Variants in ARHGAP42 observed in about 807,000 individuals in gnomAD.
ARHGAP42 encodes Rho GTPase activating protein 42.
In ARHGAP42, 63 loss-of-function variants were observed where a neutral mutation model predicts 125.0. The observed-to-expected ratio is 0.50, with a 90% CI of 0.41 to 0.62. The LOEUF (loss-of-function observed/expected upper bound fraction) is 0.62, where lower values mean the gene tolerates loss of function less well. ARHGAP42 is among the 20% of genes least tolerant of loss of function. The pLI is 0.00. For synonymous variants in ARHGAP42, 339 were observed against 351.0 expected, an observed-to-expected ratio of 0.97 and a Z score of 0.38; for missense variants, 766 against 1,024.2, an observed-to-expected ratio of 0.75 and a Z score of 3.44.
chr11:100,822,139 A>C (rs1864419013), intron 3 of ARHGAP42, among the ~76,000 whole-genome samples: 1 of 152,314 alleles, frequency 6.6e-6, no homozygotes, highest in African/African-American at 2.4e-5. Context: ...TATTAAGGGT[A>C]GACATTTCAG....
intron 12 of ARHGAP42, among the ~76,000 whole-genome samples, chr11:100,958,953 G>C (rs1291728367): frequency 6.6e-6 from 1 of 151,050 alleles, no homozygotes; most frequent in Admixed American, 6.6e-5. Context: ...ATATTTTTTT[G>C]TCTGGGGATC....
chr11:100,784,555 C>T (rs1042211837), intron 2 of ARHGAP42, among the ~76,000 whole-genome samples: 1 of 151,998 alleles, frequency 6.6e-6, no homozygotes, highest in Admixed American at 6.6e-5. Flanking sequence ...CTCACTCATG[C>T]TACTAGGAGA....
At chr11:100,861,256 C>T (rs769854567) in intron 4 of ARHGAP42, among the ~76,000 whole-genome samples, 3 of 151,998 alleles carry the variant, frequency 2.0e-5, no homozygotes, top group East Asian at 1.9e-4. Flanking sequence ...TTTTCTTGGT[C>T]GGGGAGGGAA....
intron 3 of ARHGAP42, among the ~76,000 whole-genome samples, chr11:100,804,256 C>CT (rs1294037839): frequency 6.6e-6 from 1 of 152,118 alleles, no homozygotes; most frequent in Non-Finnish European, 1.5e-5. Context: ...TCTCAAAGTA[C>CT]TAGGATTGCA....
At chr11:100,982,508 A>G (rs1445328068) in intron 22 of ARHGAP42, among the ~76,000 whole-genome samples, 1 of 152,216 alleles carries the variant, frequency 6.6e-6, no homozygotes, top group Admixed American at 6.5e-5. Flanking sequence ...TTGGTTATTT[A>G]CAATTGTTTT....
At chr11:100,829,232 C>T (rs528546567) in intron 3 of ARHGAP42, among the ~76,000 whole-genome samples, 6 of 152,020 alleles carry the variant, frequency 3.9e-5, no homozygotes, top group South Asian at 2.1e-4. Flanking sequence ...TGGTGGCTTC[C>T]GCCTGTAATC....
chr11:100,784,834 A>T (rs1210635688), intron 2 of ARHGAP42, among the ~76,000 whole-genome samples: 1 of 152,136 alleles, frequency 6.6e-6, no homozygotes, highest in Non-Finnish European at 1.5e-5. Flanking sequence ...TAGTTCTATG[A>T]CCTTGCATGT....
chr11:100,822,052 A>G (rs1383529523), intron 3 of ARHGAP42, among the ~76,000 whole-genome samples: 1 of 152,146 alleles, frequency 6.6e-6, no homozygotes, highest in African/African-American at 2.4e-5. Flanking sequence ...ACATTTCACC[A>G]TGTGACTCTA....
intron 1 of ARHGAP42, among the ~76,000 whole-genome samples, chr11:100,703,511 T>C (rs111422977): frequency 0.024 from 3,704 of 152,356 alleles, 65 homozygotes; most frequent in Non-Finnish European, 0.031. Flanking sequence ...AATGAGAAAT[T>C]ATTGAAATGG....
chr11:100,985,558 C>A (rs564697781), intron 22 of ARHGAP42, among the ~76,000 whole-genome samples: 21 of 152,162 alleles, frequency 1.4e-4, no homozygotes, highest in Non-Finnish European at 2.9e-4. Flanking sequence ...AACCAACATA[C>A]CCACGTGCAT....
chr11:100,971,446 G>A (rs190746780), intron 17 of ARHGAP42, among the ~76,000 whole-genome samples: 18 of 152,268 alleles, frequency 1.2e-4, no homozygotes, highest in African/African-American at 4.3e-4. Context: ...CAGCAGTTGA[G>A]TATCAGCTCC....
At chr11:100,784,710 T>C (rs2135016439) in intron 2 of ARHGAP42, among the ~76,000 whole-genome samples, 1 of 152,168 alleles carries the variant, frequency 6.6e-6, no homozygotes, top group African/African-American at 2.4e-5. Context: ...GGTAATTTGA[T>C]GTGTTAAATT....
intron 22 of ARHGAP42, chr11:100,986,061 CTCAT>C (rs572554653): frequency 4.4e-5 from 20 of 456,654 alleles, no homozygotes; most frequent in African/African-American, 3.6e-4. Context: ...CTTTTTCTCA[CTCAT>C]TCATTTAGCT....
intron 2 of ARHGAP42, among the ~76,000 whole-genome samples, chr11:100,781,482 G>GA (rs1863309375): frequency 1.3e-5 from 2 of 151,974 alleles, no homozygotes; most frequent in Admixed American, 6.6e-5. Flanking sequence ...TTGATAACTG[G>GA]CTCTTAGGTT....
rs538396323 is a variant in ARHGAP42 at position 100,880,191 on chromosome 11, T to C, written c.384+20566T>C. 3.0e-3 allele frequency among the ~76,000 whole-genome samples: 455 copies of C among 152,310 alleles called. 7 individuals are homozygous for C. The highest frequency in any genetic ancestry group is 0.014 in the Middle Eastern group (4 of 294). On this transcript the variant is annotated intron_variant, in intron 4 of 23. Transcript: ENST00000298815. ...TTAGTGGTGATTGGTGAGATTTTGG[T>C]GCATCCATCACCCAAGCAGTATACA...
At chr11:100,705,262 A>G (rs1416508905) in intron 1 of ARHGAP42, among the ~76,000 whole-genome samples, 1 of 152,212 alleles carries the variant, frequency 6.6e-6, no homozygotes. Context: ...CAGTGTTAAT[A>G]ACATTTCATC....
At chr11:100,818,195 T>C (rs1422872680) in intron 3 of ARHGAP42, among the ~76,000 whole-genome samples, 1 of 152,180 alleles carries the variant, frequency 6.6e-6, no homozygotes, top group African/African-American at 2.4e-5. Flanking sequence ...TTTTTAATTT[T>C]GTTAGCTTCT....
intron 16 of ARHGAP42, among the ~76,000 whole-genome samples, chr11:100,965,079 G>A (rs779856158): frequency 1.7e-4 from 26 of 152,096 alleles, no homozygotes; most frequent in Non-Finnish European, 3.1e-4. Context: ...AAGTGCTGAG[G>A]AAAGGGGGAA....
intron 4 of ARHGAP42, among the ~76,000 whole-genome samples, chr11:100,878,390 G>A (rs572513317): frequency 5.9e-5 from 9 of 152,142 alleles, no homozygotes; most frequent in East Asian, 5.8e-4. Context: ...CCTCTCTGCC[G>A]AGTCACCCAT....
Sources: allele counts gnomAD v4.1 joint callset (sites outside exome capture counted in the v4.1 genomes callset), GRCh38; gene constraint gnomAD v4.1.1; transcripts MANE v1.5; gene names NCBI Gene and HGNC (gene_info 2026-07-23, HGNC 2026-07-21).